The following E4F1 variants were observed in gnomAD, a reference collection of about 807,000 sequenced individuals.
E4F1 encodes E4F transcription factor 1.
E4F1 carries 30 observed loss-of-function variants against 72.9 expected under a neutral mutation model. That is an observed-to-expected ratio of 0.41 (90% CI 0.31 to 0.56). The LOEUF is 0.56. Ranked by LOEUF, E4F1 falls within the 20% of genes least tolerant of loss-of-function variation. E4F1 has a pLI of 0.25. For missense variants in E4F1, 1,091 were observed against 1,117.5 expected, an observed-to-expected ratio of 0.98 and a Z score of 0.34; for synonymous variants, 542 against 478.2, an observed-to-expected ratio of 1.13 and a Z score of -1.74.
intron 1 of E4F1, among the ~76,000 whole-genome samples, chr16:2,227,767 T>C (rs2093440825): frequency 6.6e-6 from 1 of 152,074 alleles, no homozygotes; most frequent in East Asian, 1.9e-4. Flanking sequence ...TCCCAAAGTG[T>C]TGGGATTACA....
At chr16:2,224,805 G>A (rs1486306613) in intron 1 of E4F1, among the ~76,000 whole-genome samples, 1 of 151,792 alleles carries the variant, frequency 6.6e-6, no homozygotes, top group African/African-American at 2.4e-5. Context: ...AATGACCAGG[G>A]TCACCCAGGT....
Position 2,232,895 on chromosome 16 carries a change from G to C in E4F1, c.870G>C (p.Glu290Asp), listed in dbSNP as rs377655467. Reference sequence around the variant, plus strand: ...GCAAGGACGTGGTTGTCAGCAAAGAGGACGCACGTGCAGGTCAGCATGGTG... The same window carrying C: ...GCAAGGACGTGGTTGTCAGCAAAGACGACGCACGTGCAGGTCAGCATGGTG... ...SVSKDVVVSK[E>D]DARAGSGAGA... is the part of the protein sequence containing the mutation. The change falls in exon 6 of 14, where the codon GAG becomes GAC. Residue 290 changes from glutamate to aspartate, a missense_variant. Physicochemically the swap from Glu to Asp is conservative, Grantham distance 45 (BLOSUM62 2). This residue lies in a region of E4F1 where 101 missense variants were observed against 97.4 expected (regional missense o/e 1.04). Coordinates refer to ENST00000301727, the MANE Select transcript of E4F1 (RefSeq NM_004424.5). 3 of 1,613,370 alleles carry C rather than the reference G, an allele frequency of 1.9e-6. No homozygotes were observed. In the South Asian group the frequency reaches 3.3e-5, roughly 18 times the overall value.
chr16:2,235,452 C>T lies in E4F1; in HGVS notation c.2235C>T (p.Gly745=). ...TTGCCGCCCGGGCAGGGACAAGTGG[C>T]ACTGAACAGGCCACTGTGACCATGG... ...TVLAARAGTS[G]TEQATVTMVS... Residue 745 remains glycine (G), a synonymous_variant, in exon 14 of 14, where the codon GGC becomes GGT. Coordinates refer to ENST00000301727, the MANE Select transcript of E4F1 (RefSeq NM_004424.5). 6.2e-7 allele frequency: 1 copy of T among 1,612,582 alleles called. No homozygotes were observed. The highest frequency in any genetic ancestry group is 8.5e-7 in the Non-Finnish European group (1 of 1,179,886).
Position 2,234,756 on chromosome 16 carries a change from G to A in E4F1, c.1767G>A (p.Thr589=), listed in dbSNP as rs371851922. 1.6e-5 allele frequency: 25 copies of A among 1,549,918 alleles called. No individual in the cohort carries two copies. The highest frequency in any genetic ancestry group is 1.9e-5 in the Non-Finnish European group (22 of 1,147,382). The stretch of plus-strand genomic sequence containing the variant: ...GCCGTGGCTTCGCCGAGCACGGCAC[G>A]CTGAACCGGCACCTGCGCACCAAAG... ...KCGRGFAEHG[T]LNRHLRTKGG... The change falls in exon 11 of 14, where the codon ACG becomes ACA. Residue 589 remains threonine, a synonymous_variant. Transcript: ENST00000301727.
rs776250184 is a variant in E4F1 at position 2,232,893 on chromosome 16, G to C, written c.868G>C (p.Glu290Gln). Residue 290 changes from glutamate to glutamine, a missense_variant, in exon 6 of 14, where the codon GAG becomes CAG. Around this residue, in one of 5 missense-constraint regions of E4F1, gnomAD observed 101 missense variants for 97.4 expected, o/e 1.04. Transcript: ENST00000301727. ...GAGCAAGGACGTGGTTGTCAGCAAA[G>C]AGGACGCACGTGCAGGTCAGCATGG... ...SVSKDVVVSK[E>Q]DARAGSGAGA... 4 of 1,613,362 alleles carry C rather than the reference G, an allele frequency of 2.5e-6. No individual in the cohort carries two copies. The highest frequency in any genetic ancestry group is 3.4e-6 in the Non-Finnish European group (4 of 1,180,010).
chr16:2,233,318 A>G (rs534827168), intron 7 of E4F1, 120 bp from the exon 8 acceptor site: 2 of 1,431,238 alleles, frequency 1.4e-6, no homozygotes, highest in African/African-American at 1.4e-5. Context: ...GAGCAGGGCC[A>G]GTGGGAGCGC....
chr16:2,234,992 T>C lies in E4F1; in HGVS notation c.1926T>C (p.Tyr642=), dbSNP rs1379676852. 3 of 1,610,290 alleles carry C rather than the reference T, an allele frequency of 1.9e-6. No homozygotes were observed. Among genetic ancestry groups the C allele is most frequent in the African/African-American group, 2.7e-5 (2 of 74,880 alleles). ...CCGTGGTAGCTGACACCCAGGAGTATATCATCGAGGTGGGTGTGGGGCCCT... is the reference window on the plus strand; with the variant it reads ...CCGTGGTAGCTGACACCCAGGAGTACATCATCGAGGTGGGTGTGGGGCCCT... ...FSSVVADTQE[Y]IIEATADDAE... is the part of the protein sequence containing the mutation. Residue 642 remains tyrosine, a synonymous_variant, in exon 12 of 14, where the codon TAT becomes TAC. Coordinates refer to ENST00000301727, the MANE Select transcript of E4F1 (RefSeq NM_004424.5).
At position 2,235,448 on chromosome 16, in the gene E4F1, G is replaced by T; in HGVS notation, c.2231G>T (p.Ser744Ile). 1 of 1,612,714 alleles carries T rather than the reference G, an allele frequency of 6.2e-7. No homozygotes were observed. The highest frequency in any genetic ancestry group is 8.5e-7 in the Non-Finnish European group (1 of 1,179,924). The change falls in exon 14 of 14, where the codon AGT (serine) becomes ATT (isoleucine). Residue 744 changes from serine to isoleucine, a missense_variant. By Grantham distance (142) the Ser-to-Ile change is moderately radical (BLOSUM62 -2). This residue lies in a region of E4F1 where 622 missense variants were observed against 628.0 expected (regional missense o/e 0.99). Transcript: ENST00000301727. ...GTGCTTGCCGCCCGGGCAGGGACAA[G>T]TGGCACTGAACAGGCCACTGTGACC... ...GTVLAARAGT[S>I]GTEQATVTMV...
chr16:2,234,466 C>T, intron 10 of E4F1, 78 bp downstream of exon 10: 1 of 1,580,260 alleles, frequency 6.3e-7, no homozygotes, highest in Non-Finnish European at 8.6e-7. Context: ...GCACCCCCTT[C>T]CCTGCCTCCA....
chr16:2,233,476 C>A lies in E4F1; in HGVS notation c.1095C>A (p.Gly365=). The A allele has an allele frequency of 6.6e-7, 1 of 1,506,426 alleles. No homozygotes were observed. The highest frequency in any genetic ancestry group is 1.3e-5 in the South Asian group (1 of 75,496). 93.3% of individuals were successfully genotyped at this position (1,506,426 alleles called of 1,614,324 possible). A position where few individuals can be genotyped will look rare whatever the true frequency, so the allele number is the denominator to read the frequency against. The change falls in exon 8 of 14, where the codon GGC becomes GGA. Residue 365 remains glycine (G), a synonymous_variant. Transcript: ENST00000301727. ...VSQELPCSSE[G]SRENLLHQAM... ...AGGAGCTCCCCTGCTCCAGCGAGGG[C>A]AGCCGTGAGAACCTGCTGCACCAGG...
chr16:2,234,531 C>T (rs936414267), intron 10 of E4F1, 52 bp from the exon 11 acceptor site: 1 of 1,552,008 alleles, frequency 6.4e-7, no homozygotes, highest in Non-Finnish European at 8.7e-7. Flanking sequence ...GAGGGGAGAG[C>T]TGTAGTCTGT....
In E4F1 at chr16:2,234,006, G is replaced by T. The variant is rs1270609021; in HGVS notation, c.1375+16G>T. The T allele has an allele frequency of 2.5e-6, 4 of 1,573,438 alleles. No individual in the cohort carries two copies. Among genetic ancestry groups the T allele is most frequent in the African/African-American group, 1.4e-5 (1 of 73,978 alleles). ...GGCCACACCGGTAGGTGATGGGTGG[G>T]TGTGTGGCCCATGGCAGTGGATGGG... On this transcript the variant is annotated intron_variant, in intron 9 of 13. Coordinates refer to ENST00000301727, the MANE Select transcript of E4F1 (RefSeq NM_004424.5).
At chr16:2,230,092 T>C (rs1424788326) in intron 3 of E4F1, 1 of 225,012 alleles carries the variant, frequency 4.4e-6, no homozygotes, top group African/African-American at 2.2e-5. Flanking sequence ...GGGTACAGGG[T>C]GGACGGGACT....
At chr16:2,224,385 C>G (rs553953216) in intron 1 of E4F1, among the ~76,000 whole-genome samples, 1 of 152,256 alleles carries the variant, frequency 6.6e-6, no homozygotes, top group African/African-American at 2.4e-5. Context: ...AGTAATGTAA[C>G]AAGCCCTTAT....
Position 2,235,365 on chromosome 16 carries a change from C to A in E4F1, c.2148C>A (p.Pro716=), listed in dbSNP as rs574295861. The change falls in exon 14 of 14, where the codon CCC becomes CCA. Residue 716 remains proline (P), a synonymous_variant. Coordinates refer to ENST00000301727, the MANE Select transcript of E4F1 (RefSeq NM_004424.5). ...CCGACACCATCACCATCGCCACCCC[C>A]GAGAGCCTGACAGAGCAGGTGGCCA... ...AAADTITIAT[P]ESLTEQVAMT... The A allele has an allele frequency of 1.2e-6, 2 of 1,610,078 alleles. No homozygotes were observed.
Position 2,233,512 on chromosome 16 carries a change from CTCCGGCA to C in E4F1, c.1134_1140del (p.Gly379SerfsTer210). On this transcript the variant is annotated frameshift_variant, in exon 8 of 14. Coordinates refer to ENST00000301727, the MANE Select transcript of E4F1 (RefSeq NM_004424.5). LOFTEE classifies it high-confidence loss of function. ...ACCTGCTGCACCAGGCCATGCAGAACTCCGGCATCGTCCTTGAGCGCGCTGCTGGGGA... is the reference window on the plus strand; with the variant it reads ...ACCTGCTGCACCAGGCCATGCAGAACTCGTCCTTGAGCGCGCTGCTGGGGA... 1 of 1,518,030 alleles carries C rather than the reference CTCCGGCA, an allele frequency of 6.6e-7. No homozygotes were observed. Among genetic ancestry groups the C allele is most frequent in the Non-Finnish European group, 8.8e-7 (1 of 1,134,028 alleles). 94.0% of individuals were successfully genotyped at this position (1,518,030 alleles called of 1,614,324 possible). A position where few individuals can be genotyped will look rare whatever the true frequency, so the allele number is the denominator to read the frequency against.
At chr16:2,232,958 C>T (rs1422361978) in intron 6 of E4F1, 50 bp downstream of exon 6, 1 of 1,612,090 alleles carries the variant, frequency 6.2e-7, no homozygotes, top group Admixed American at 1.7e-5. Context: ...GCTGTGGACG[C>T]AGCCGCCACT....
At chr16:2,224,043 T>G in intron 1 of E4F1, 66 of 1,197,204 alleles carry the variant, frequency 5.5e-5, no homozygotes, top group East Asian at 4.5e-4. Context: ...GGTGTAGACA[T>G]TCGCAGACGC....
intron 7 of E4F1, 108 bp from the exon 8 acceptor site, chr16:2,233,330 A>T: frequency 7.0e-7 from 1 of 1,426,560 alleles, no homozygotes; most frequent in East Asian, 2.4e-5. Flanking sequence ...TGGGAGCGCC[A>T]TGGGGGTCTG....
Sources: gnomAD v4.1 joint callset for allele counts (sites outside exome capture counted in the v4.1 genomes callset) on GRCh38, gnomAD v4.1.1 for gene constraint, gnomAD v4.1.1 regional missense constraint, MANE v1.5 for transcripts, NCBI Gene and HGNC (gene_info 2026-07-23, HGNC 2026-07-21) for gene names.